MYO3B: variants seen among roughly 807,000 people sequenced by gnomAD.
MYO3B encodes the protein myosin-IIIb.
A neutral mutation model predicts 174.6 loss-of-function variants in MYO3B; 156 were observed. That is an observed-to-expected ratio of 0.89 (90% CI 0.78 to 1.02). The LOEUF is 1.02. MYO3B is among the 50% of genes least tolerant of loss of function. MYO3B has a pLI of 0.00. For synonymous variants in MYO3B, 563 were observed against 569.1 expected (o/e 0.99, Z 0.15); for missense variants, 1,632 against 1,639.4 (o/e 1.00, Z 0.08).
chr2:170,535,334 G>A (rs902463313), intron 30 of MYO3B, among the ~76,000 whole-genome samples: 3 of 152,204 alleles, frequency 2.0e-5, no homozygotes, highest in African/African-American at 7.2e-5. Context: ...ACTTGCACCA[G>A]ATTAGAGCCT....
At chr2:170,565,194 A>T (rs955839593) in intron 32 of MYO3B, among the ~76,000 whole-genome samples, 10 of 152,226 alleles carry the variant, frequency 6.6e-5, no homozygotes, top group African/African-American at 2.4e-4. Context: ...GGCTGTCAAG[A>T]ATACAAGGAA....
intron 16 of MYO3B, among the ~76,000 whole-genome samples, chr2:170,396,662 G>T (rs1263131590): frequency 6.6e-6 from 1 of 152,084 alleles, no homozygotes; most frequent in African/African-American, 2.4e-5. Flanking sequence ...TGGTTGTCTA[G>T]GCACTATGCT....
intron 7 of MYO3B, among the ~76,000 whole-genome samples, chr2:170,266,504 A>C (rs758547920): frequency 5.9e-5 from 9 of 152,158 alleles, no homozygotes; most frequent in Non-Finnish European, 8.8e-5. Flanking sequence ...TCAATGGCTG[A>C]TCTATTTCTT....
chr2:170,482,948 G>A (rs887044363), intron 25 of MYO3B, among the ~76,000 whole-genome samples: 1 of 152,244 alleles, frequency 6.6e-6, no homozygotes, highest in Non-Finnish European at 1.5e-5. Context: ...TAAGGCAATT[G>A]GGACAAAATC....
At chr2:170,260,916 G>A (rs150368854) in intron 7 of MYO3B, among the ~76,000 whole-genome samples, 1 of 152,206 alleles carries the variant, frequency 6.6e-6, no homozygotes, top group African/African-American at 2.4e-5. Context: ...GAGATAGTGA[G>A]CATAGACACT....
chr2:170,256,268 A>G lies in MYO3B; in HGVS notation c.749+20132A>G, dbSNP rs952835401. 2.0e-5 allele frequency among the ~76,000 whole-genome samples: 3 copies of G among 152,198 alleles called. No homozygotes were observed. The East Asian group carries it at 5.8e-4, about 29-fold the overall frequency. On this transcript the variant is annotated intron_variant, in intron 7 of 34. Transcript: ENST00000408978. The stretch of plus-strand genomic sequence containing the variant: ...TTTCACAAGAAAGGTTAATATGCAA[A>G]TTCAAAAAATTCAGACAACCCCTGT...
chr2:170,310,899 A>G (rs2093734807), intron 7 of MYO3B, among the ~76,000 whole-genome samples: 4 of 152,264 alleles, frequency 2.6e-5, no homozygotes, highest in Admixed American at 2.6e-4. Context: ...CCAGAGATGT[A>G]TAATGATGCA....
At chr2:170,525,927 CAA>C (rs1184735661) in intron 30 of MYO3B, among the ~76,000 whole-genome samples, 1 of 152,172 alleles carries the variant, frequency 6.6e-6, no homozygotes, top group Admixed American at 6.5e-5. Flanking sequence ...AATCCTCCAG[CAA>C]ATTTCCTACC....
At chr2:170,443,879 A>G in intron 22 of MYO3B, 88 bp from the exon 23 acceptor site, 1 of 1,097,442 alleles carries the variant, frequency 9.1e-7, no homozygotes, top group Non-Finnish European at 1.3e-6. Context: ...AAATTCAGAA[A>G]AATACAAGGA....
At chr2:170,253,756 G>A (rs899097542) in intron 7 of MYO3B, among the ~76,000 whole-genome samples, 5 of 152,064 alleles carry the variant, frequency 3.3e-5, no homozygotes, top group Non-Finnish European at 7.3e-5. Flanking sequence ...GGCCAAGGAA[G>A]AAAGGGCTAA....
chr2:170,352,446 G>A (rs1362017861), intron 8 of MYO3B, among the ~76,000 whole-genome samples: 4 of 152,022 alleles, frequency 2.6e-5, no homozygotes, highest in South Asian at 2.1e-4. Context: ...CAGGAAATGA[G>A]GAAAAAAAGC....
chr2:170,248,124 C>T (rs1216737008), intron 7 of MYO3B, among the ~76,000 whole-genome samples: 1 of 152,206 alleles, frequency 6.6e-6, no homozygotes, highest in Admixed American at 6.5e-5. Context: ...CATTACTCAT[C>T]AGTCTTGATT....
intron 25 of MYO3B, among the ~76,000 whole-genome samples, chr2:170,493,427 T>C (rs556118698): frequency 6.6e-6 from 1 of 152,190 alleles, no homozygotes; most frequent in South Asian, 2.1e-4. Flanking sequence ...ATCAGTGACC[T>C]TGGATAATAA....
At chr2:170,451,297 C>T (rs768161995) in intron 23 of MYO3B, among the ~76,000 whole-genome samples, 8 of 152,270 alleles carry the variant, frequency 5.3e-5, no homozygotes, top group Admixed American at 3.9e-4. Flanking sequence ...GGACACCAGA[C>T]AGAAGTACAA....
At chr2:170,244,439 G>A (rs1233429873) in intron 7 of MYO3B, among the ~76,000 whole-genome samples, 3 of 152,186 alleles carry the variant, frequency 2.0e-5, no homozygotes, top group African/African-American at 7.2e-5. Context: ...AGAGCACCTG[G>A]TTGTTGCAGA....
At chr2:170,504,623 T>C (rs1370386524) in intron 28 of MYO3B, among the ~76,000 whole-genome samples, 1 of 152,210 alleles carries the variant, frequency 6.6e-6, no homozygotes, top group Non-Finnish European at 1.5e-5. Flanking sequence ...AGTCAGGGTA[T>C]TAACCTTCCC....
chr2:170,332,693 A>G (rs1012302264), intron 7 of MYO3B, among the ~76,000 whole-genome samples: 18 of 152,152 alleles, frequency 1.2e-4, no homozygotes, highest in Admixed American at 1.3e-4. Context: ...GCTTCAAAGA[A>G]GATGTTTCCT....
intron 32 of MYO3B, chr2:170,601,662 GTCC>G (rs1216412388): frequency 4.3e-6 from 6 of 1,405,566 alleles, no homozygotes; most frequent in East Asian, 4.6e-5. Flanking sequence ...TTCATCTTCT[GTCC>G]TCCTCTTCCT....
chr2:170,466,733 A>G lies in MYO3B; in HGVS notation c.3014+22A>G, dbSNP rs769078714. The G allele has an allele frequency of 2.0e-5, 32 of 1,609,558 alleles. No individual in the cohort carries two copies. The African/African-American group carries it at 3.7e-4, about 19-fold the overall frequency. On this transcript the variant is annotated intron_variant, in intron 25 of 34. Transcript: ENST00000408978. ...AAAGGTCAGACCGTCATCTACGGGA[A>G]TGCATTCTTATAAATGTAGCTCTAC...
Sources: allele counts gnomAD v4.1 joint callset (sites outside exome capture counted in the v4.1 genomes callset), GRCh38; gene constraint gnomAD v4.1.1; transcripts MANE v1.5; gene names NCBI Gene and HGNC (gene_info 2026-07-23, HGNC 2026-07-21).